PGM3: variants seen among roughly 807,000 people sequenced by gnomAD.
PGM3 encodes the protein phosphoacetylglucosamine mutase.
In PGM3, 40 loss-of-function variants were observed where a neutral mutation model predicts 66.2. That is an observed-to-expected ratio of 0.60 (90% CI 0.47 to 0.79). The LOEUF is 0.79. Ranked by LOEUF, PGM3 falls within the 30% of genes least tolerant of loss-of-function variation. The pLI is 0.00. For synonymous variants in PGM3, 191 were observed against 224.2 expected, an observed-to-expected ratio of 0.85 and a Z score of 1.32; for missense variants, 537 against 643.4, an observed-to-expected ratio of 0.83 and a Z score of 1.79.
chr6:83,160,910 T>C (rs567549003), downstream of PGM3, among the ~76,000 whole-genome samples: 3 of 152,262 alleles, frequency 2.0e-5, no homozygotes, highest in African/African-American at 7.2e-5. Context: ...AACTTAATGG[T>C]AAGAACTAGA....
intron 11 of PGM3, chr6:83,171,484 A>G (rs1360508132): frequency 2.0e-5 from 3 of 152,224 alleles, no homozygotes; most frequent in Non-Finnish European, 2.9e-5. Context: ...ACAATTAGGT[A>G]TCATAAGGCC....
rs550149265 is a variant in PGM3, at chr6:83,167,514, A to G, written c.*1720T>C. 131 of 1,014,480 alleles carry G rather than the reference A, an allele frequency of 1.3e-4. 4 individuals carry two copies. The South Asian group carries it at 2.5e-3, about 19-fold the overall frequency. 62.8% of individuals were successfully genotyped at this position (1,014,480 alleles called of 1,614,324 possible). A position where few individuals can be genotyped will look rare whatever the true frequency, so the allele number is the denominator to read the frequency against. ...ATTTTGTGACCTAGTCCTTGGTTAC[A>G]GTAGTGAGGGTTCAGAAACCTGGGA... On this transcript the variant is annotated 3_prime_UTR_variant, in exon 13 of 13. Transcript: ENST00000513973.
chr6:83,162,079 G>GT (rs563662627), downstream of PGM3, among the ~76,000 whole-genome samples: 4 of 152,058 alleles, frequency 2.6e-5, no homozygotes, highest in East Asian at 1.9e-4. Flanking sequence ...CAGCAATCAT[G>GT]TTTTTTTAAA....
chr6:83,169,574 A>AT, intron 12 of PGM3: 1 of 502,054 alleles, frequency 2.0e-6, no homozygotes, highest in Non-Finnish European at 3.6e-6. Context: ...AATAGCTATC[A>AT]TTCCACAACT....
At chr6:83,178,830 A>C in intron 7 of PGM3, 74 bp from the exon 8 acceptor site, 1 of 884,312 alleles carries the variant, frequency 1.1e-6, no homozygotes, top group East Asian at 2.4e-5. Context: ...GAGAGTTCTA[A>C]AGGCTACCAA....
At chr6:83,158,677 C>T (rs1463408897), downstream of PGM3, 1 of 1,181,008 alleles carries the variant, frequency 8.5e-7, no homozygotes, top group African/African-American at 1.5e-5. Flanking sequence ...TGAAATTATT[C>T]AGAATATTAC....
chr6:83,187,789 C>A (rs1232207579), intron 3 of PGM3, among the ~76,000 whole-genome samples: 1 of 151,936 alleles, frequency 6.6e-6, no homozygotes, highest in Non-Finnish European at 1.5e-5. Flanking sequence ...GGTGACAGAG[C>A]GAGACTCCGT....
chr6:83,179,216 CAGA>C (rs1787995741), intron 7 of PGM3, among the ~76,000 whole-genome samples: 1 of 147,724 alleles, frequency 6.8e-6, no homozygotes. Flanking sequence ...GAGGCTGAGG[CAGA>C]AGAATTGCTT....
downstream of PGM3, chr6:83,156,178 C>T: frequency 3.2e-6 from 4 of 1,234,246 alleles, no homozygotes; most frequent in Non-Finnish European, 4.5e-6. Flanking sequence ...TCTCTAAATA[C>T]TAAGTTGGGG....
chr6:83,154,024 G>A, the PGM3 span: 1 of 1,613,980 alleles, frequency 6.2e-7, no homozygotes, highest in South Asian at 1.1e-5. Context: ...CTTTCAGATG[G>A]ATGCCTCTTG....
Position 83,178,661 on chromosome 6 carries a change from A to G in PGM3, c.1029+12T>C, listed in dbSNP as rs1034568438. On this transcript the variant is annotated intron_variant, in intron 8 of 12. Transcript: ENST00000513973. The stretch of plus-strand genomic sequence containing the variant: ...ATTAAGAAACTACCAGAAAACAAAA[A>G]TGGTTCAATACCTTCATAACTTCTT... 2.0e-6 allele frequency: 3 copies of G among 1,509,780 alleles called. No individual in the cohort carries two copies. The highest frequency in any genetic ancestry group is 1.1e-5 in the South Asian group (1 of 88,828). The allele number at this position is 1,509,780 out of a possible 1,614,324, so 93.5% of individuals were successfully genotyped here.
chr6:83,173,578 T>A (rs1033789521), intron 10 of PGM3, among the ~76,000 whole-genome samples: 1 of 152,088 alleles, frequency 6.6e-6, no homozygotes, highest in Non-Finnish European at 1.5e-5. Flanking sequence ...TGTGTTACTG[T>A]AAGGATTACA....
In PGM3 at chr6:83,165,022, A is replaced by G; in HGVS notation, c.*4212T>C. The G allele has an allele frequency of 3.6e-6, 1 of 281,648 alleles. No individual in the cohort carries two copies. The highest frequency in any genetic ancestry group is 6.6e-6 in the Non-Finnish European group (1 of 151,228). 17.4% of individuals were successfully genotyped at this position (281,648 alleles called of 1,614,324 possible). A position where few individuals can be genotyped will look rare whatever the true frequency, so the allele number is the denominator to read the frequency against. On this transcript the variant is annotated 3_prime_UTR_variant, in exon 13 of 13. Coordinates refer to ENST00000513973, the MANE Select transcript of PGM3 (RefSeq NM_015599.3). ...TAAAGGCTCATCTTGATAGGAATAGAAACAAAAGGTTACCCCATAGTTCTC... is the reference window on the plus strand; with the variant it reads ...TAAAGGCTCATCTTGATAGGAATAGGAACAAAAGGTTACCCCATAGTTCTC...
In PGM3 at chr6:83,188,646, T is replaced by C. The variant is rs754954770; in HGVS notation, c.357A>G (p.Gln119=). 138 of 1,613,948 alleles carry C rather than the reference T, an allele frequency of 8.6e-5. No individual in the cohort carries two copies. The highest frequency in any genetic ancestry group is 1.2e-4 in the Non-Finnish European group (136 of 1,179,950). The part of the protein sequence containing the change: ...ISEKEAVNLQ[Q]DAFVVIGRDT... ...CTCTACCAATAACTACAAAGGCATC[T>C]TGTTGCAGATTCACAGCTTCTTTCT... is the stretch of plus-strand genomic sequence containing the variant. Residue 119 remains glutamine (Q), a synonymous_variant, in exon 3 of 13, where the codon CAA becomes CAG. Coordinates refer to ENST00000513973, the MANE Select transcript of PGM3 (RefSeq NM_015599.3).
At position 83,166,993 on chromosome 6, in the gene PGM3, C is replaced by A. The variant is rs963254193; in HGVS notation, c.*2241G>T. 6 of 985,628 alleles carry A rather than the reference C, an allele frequency of 6.1e-6. No homozygotes were observed. The Admixed American group carries it at 3.7e-4, about 61-fold the overall frequency. 61.1% of individuals were successfully genotyped at this position (985,628 alleles called of 1,614,324 possible). On this transcript the variant is annotated 3_prime_UTR_variant, in exon 13 of 13. Coordinates refer to ENST00000513973, the MANE Select transcript of PGM3 (RefSeq NM_015599.3). ...TCTGCCCAAGTTCAACCAACCTGTT[C>A]TCTCTTATCTTTCTCTAGACAGAAT... is the stretch of plus-strand genomic sequence containing the variant.
intron 5 of PGM3, 51 bp downstream of exon 5, chr6:83,182,794 T>C (rs2128498382): frequency 6.6e-7 from 1 of 1,526,712 alleles, no homozygotes; most frequent in Non-Finnish European, 9.1e-7. Context: ...CAGTAGACCA[T>C]GTTACTTTAT....
intron 8 of PGM3, among the ~76,000 whole-genome samples, chr6:83,178,337 T>C (rs1787928427): frequency 6.6e-6 from 1 of 152,310 alleles, no homozygotes; most frequent in African/African-American, 2.4e-5. Context: ...TTGATGTTTA[T>C]ATTTGAAATT....
chr6:83,189,864 C>A (rs1041794963), intron 2 of PGM3, among the ~76,000 whole-genome samples: 1 of 151,998 alleles, frequency 6.6e-6, no homozygotes, highest in East Asian at 1.9e-4. Context: ...AGACATTATG[C>A]GAAGTTAAAT....
chr6:83,192,566 A>T (rs962828887), intron 1 of PGM3, among the ~76,000 whole-genome samples: 10 of 152,180 alleles, frequency 6.6e-5, no homozygotes, highest in African/African-American at 2.4e-4. Flanking sequence ...GCATTCAGTA[A>T]ACTAATTTAG....
Sources: gnomAD v4.1 joint callset for allele counts (sites outside exome capture counted in the v4.1 genomes callset) on GRCh38, gnomAD v4.1.1 for gene constraint, MANE v1.5 for transcripts, NCBI Gene and HGNC (gene_info 2026-07-23, HGNC 2026-07-21) for gene names.